Variants in MAGI1 observed in about 807,000 individuals in gnomAD.
MAGI1 encodes membrane associated guanylate kinase, WW and PDZ domain containing 1.
In MAGI1, 58 loss-of-function variants were observed where a neutral mutation model predicts 139.9. That is an observed-to-expected ratio of 0.41 (90% CI 0.34 to 0.52). The LOEUF (loss-of-function observed/expected upper bound fraction) is 0.52. Ranked by LOEUF, MAGI1 falls within the 20% of genes least tolerant of loss-of-function variation. The pLI, the probability that MAGI1 is intolerant of heterozygous loss-of-function variation, is 0.12. For missense variants in MAGI1, 1,874 were observed against 1,901.6 expected, an observed-to-expected ratio of 0.99 and a Z score of 0.27; for synonymous variants, 812 against 737.9, an observed-to-expected ratio of 1.10 and a Z score of -1.63.
At chr3:65,807,858 G>C (rs1177311485) in intron 1 of MAGI1, among the ~76,000 whole-genome samples, 1 of 152,126 alleles carries the variant, frequency 6.6e-6, no homozygotes, top group Non-Finnish European at 1.5e-5. Context: ...AGAAAACTGA[G>C]TACAGAGCGA....
intron 1 of MAGI1, among the ~76,000 whole-genome samples, chr3:65,734,923 A>G (rs1576937904): frequency 1.5e-5 from 2 of 134,578 alleles, no homozygotes; most frequent in Admixed American, 7.8e-5. Flanking sequence ...AGGGGAGGGG[A>G]GGGGGAAGGA....
chr3:65,644,815 G>A (rs951332166), intron 1 of MAGI1, among the ~76,000 whole-genome samples: 5 of 151,906 alleles, frequency 3.3e-5, no homozygotes, highest in African/African-American at 1.2e-4. Context: ...TGGCCAACTT[G>A]GCAAAACTCT....
At chr3:65,989,889 A>T (rs1291902501) in intron 1 of MAGI1, among the ~76,000 whole-genome samples, 1 of 152,204 alleles carries the variant, frequency 6.6e-6, no homozygotes, top group Non-Finnish European at 1.5e-5. Flanking sequence ...TTTACTGAAT[A>T]TTTGGGGAAA....
intron 13 of MAGI1, among the ~76,000 whole-genome samples, chr3:65,392,435 G>C (rs1375097877): frequency 6.6e-6 from 1 of 152,126 alleles, no homozygotes; most frequent in Non-Finnish European, 1.5e-5. Flanking sequence ...TTAAAGCATT[G>C]TATGGGGTAG....
At chr3:65,637,564 G>GAAAGAAAGAAAGAAAGAAAC (rs1559743473) in intron 1 of MAGI1, among the ~76,000 whole-genome samples, 26 of 78,026 alleles carry the variant, frequency 3.3e-4, no homozygotes, top group African/African-American at 1.3e-3. Flanking sequence ...AAAAAAGAAA[G>GAAAGAAAGAAAGAAAGAAAC]AAAGAAAGAA....
intron 1 of MAGI1, among the ~76,000 whole-genome samples, chr3:65,976,436 C>T (rs2065269245): frequency 6.6e-6 from 1 of 152,078 alleles, no homozygotes; most frequent in Non-Finnish European, 1.5e-5. Flanking sequence ...TCAAGACCAG[C>T]CTGGCCAACA....
intron 1 of MAGI1, among the ~76,000 whole-genome samples, chr3:65,655,154 G>A (rs2085800214): frequency 6.6e-6 from 1 of 152,152 alleles, no homozygotes; most frequent in Non-Finnish European, 1.5e-5. Context: ...GAGCGGGGAT[G>A]TCTCATTCAA....
intron 2 of MAGI1, among the ~76,000 whole-genome samples, chr3:65,571,277 A>G (rs905401870): frequency 1.3e-5 from 2 of 152,178 alleles, no homozygotes; most frequent in Non-Finnish European, 2.9e-5. Flanking sequence ...ATAAGTTTTC[A>G]TCAAGGCAAT....
intron 2 of MAGI1, among the ~76,000 whole-genome samples, chr3:65,578,138 A>C (rs941597080): frequency 6.6e-6 from 1 of 152,182 alleles, no homozygotes; most frequent in African/African-American, 2.4e-5. Flanking sequence ...CCAGCCGCCA[A>C]GACAAAGGCG....
chr3:65,441,100 T>A (rs7610676), intron 8 of MAGI1, among the ~76,000 whole-genome samples: 103,874 of 151,714 alleles, frequency 0.68, 36,137 homozygotes, highest in East Asian at 0.95. Context: ...AGCTGGGATT[T>A]CAAGCGTGCA....
At chr3:65,899,023 G>T (rs2108612322) in intron 1 of MAGI1, among the ~76,000 whole-genome samples, 1 of 152,220 alleles carries the variant, frequency 6.6e-6, no homozygotes, top group South Asian at 2.1e-4. Context: ...CCAGGCTCGG[G>T]TGATCCTCCC....
At chr3:65,498,923 T>C in intron 2 of MAGI1, 1 of 798,338 alleles carries the variant, frequency 1.3e-6, no homozygotes, top group Non-Finnish European at 1.5e-6. Flanking sequence ...CTCTCAACCA[T>C]GAGAATATCT....
chr3:65,447,877 C>T (rs1453537829), intron 7 of MAGI1, 145 bp downstream of exon 7: 3 of 950,726 alleles, frequency 3.2e-6, no homozygotes, highest in Non-Finnish European at 5.1e-6. Flanking sequence ...GTAAGACTGA[C>T]CTTTCCTGGA....
chr3:65,925,695 T>G, intron 1 of MAGI1, among the ~76,000 whole-genome samples: 1 of 152,180 alleles, frequency 6.6e-6, no homozygotes, highest in South Asian at 2.1e-4. Flanking sequence ...CTAACTTTTT[T>G]TTTAGACAGG....
chr3:65,795,317 G>T (rs1160352469), intron 1 of MAGI1, among the ~76,000 whole-genome samples: 1 of 152,078 alleles, frequency 6.6e-6, no homozygotes, highest in Admixed American at 6.6e-5. Context: ...TAAAAAAAAA[G>T]TATGGCTCAT....
At chr3:65,702,767 A>T (rs2089706212) in intron 1 of MAGI1, among the ~76,000 whole-genome samples, 1 of 152,052 alleles carries the variant, frequency 6.6e-6, no homozygotes, top group Admixed American at 6.6e-5. Flanking sequence ...CTCCTTCAGG[A>T]TCTGAACTCC....
In MAGI1 at chr3:65,638,580, G is replaced by A. The variant is rs189748326; in HGVS notation, c.314-16492C>T. On this transcript the variant is annotated intron_variant, in intron 1 of 22. Coordinates refer to ENST00000402939, the MANE Select transcript of MAGI1 (RefSeq NM_001033057.2). ...CAAGTAGCTGGGACTACAGGAGTGC[G>A]CCACCATGCTCTCCTGATTTTTTTT... 3.1e-3 allele frequency among the ~76,000 whole-genome samples: 409 copies of A among 133,512 alleles called. 2 individuals carry two copies. Among genetic ancestry groups the A allele is most frequent in the Non-Finnish European group, 5.2e-3 (331 of 64,226 alleles). 87.6% of individuals were successfully genotyped at this position (133,512 alleles called of 152,430 possible). A position where few individuals can be genotyped will look rare whatever the true frequency, so the allele number is the denominator to read the frequency against.
At chr3:65,726,038 T>C (rs1467860556) in intron 1 of MAGI1, among the ~76,000 whole-genome samples, 1 of 152,190 alleles carries the variant, frequency 6.6e-6, no homozygotes, top group Non-Finnish European at 1.5e-5. Context: ...AAGTAATATA[T>C]ATGAACATAT....
intron 1 of MAGI1, among the ~76,000 whole-genome samples, chr3:65,627,802 A>G (rs2084066983): frequency 6.6e-6 from 1 of 151,988 alleles, no homozygotes; most frequent in Non-Finnish European, 1.5e-5. Context: ...CACTGAGCCC[A>G]GCTATATTTC....
Sources: allele counts gnomAD v4.1 joint callset (sites outside exome capture counted in the v4.1 genomes callset), GRCh38; gene constraint gnomAD v4.1.1; transcripts MANE v1.5; gene names NCBI Gene and HGNC (gene_info 2026-07-23, HGNC 2026-07-21).